ZFHX3: variants seen among roughly 807,000 people sequenced by gnomAD.
ZFHX3 encodes zinc finger homeobox 3.
In ZFHX3, 42 loss-of-function variants were observed where a neutral mutation model predicts 279.1. The ratio of observed to expected loss-of-function variants is 0.15; its 90% CI spans 0.12 to 0.19. The LOEUF (loss-of-function observed/expected upper bound fraction) is 0.19. Among genes scored for constraint, ZFHX3 ranks in the 10% least tolerant of loss-of-function variants. The probability of loss-of-function intolerance (pLI) is 1.00; values close to 1 mark genes in which losing one functional copy is unlikely to be tolerated. For synonymous variants in ZFHX3, 2,293 were observed against 1,957.8 expected, an observed-to-expected ratio of 1.17 and a Z score of -4.52; for missense variants, 4,981 against 4,754.0, an observed-to-expected ratio of 1.05 and a Z score of -1.40.
chr16:73,401,113 T>A (rs914362809), intron 3 of ZFHX3: 5 of 152,038 alleles, frequency 3.3e-5, no homozygotes, highest in Non-Finnish European at 7.4e-5. Flanking sequence ...AAAACATCCA[T>A]CATCTATCTT....
intron 2 of ZFHX3, among the ~76,000 whole-genome samples, chr16:73,624,385 T>C (rs982611306): frequency 6.6e-6 from 1 of 152,112 alleles, no homozygotes; most frequent in African/African-American, 2.4e-5. Context: ...AAAAAAGACC[T>C]GCCGTGTGCT....
chr16:73,031,722 C>T (rs765285830), intron 1 of ZFHX3, among the ~76,000 whole-genome samples: 4 of 152,174 alleles, frequency 2.6e-5, no homozygotes, highest in African/African-American at 7.2e-5. Flanking sequence ...TGAACCAGAA[C>T]GCGGGCGTGC....
chr16:73,558,758 G>C (rs966919728), intron 2 of ZFHX3, among the ~76,000 whole-genome samples: 1 of 144,460 alleles, frequency 6.9e-6, no homozygotes, highest in Admixed American at 7.1e-5. Context: ...TGTTGTGCAG[G>C]CTAGAGTTCA....
chr16:73,814,770 G>T (rs552005707), intron 1 of ZFHX3, among the ~76,000 whole-genome samples: 24 of 152,208 alleles, frequency 1.6e-4, no homozygotes, highest in African/African-American at 5.5e-4. Flanking sequence ...GTTTCACCAT[G>T]TTGGCCAGGC....
intron 3 of ZFHX3, among the ~76,000 whole-genome samples, chr16:73,391,067 G>C (rs1463815259): frequency 1.3e-5 from 2 of 152,088 alleles, no homozygotes; most frequent in Admixed American, 6.5e-5. Flanking sequence ...TGCTTTAGGA[G>C]AGGACTGTGG....
chr16:73,390,835 TGAG>T (rs766023233), intron 3 of ZFHX3, among the ~76,000 whole-genome samples: 26 of 152,064 alleles, frequency 1.7e-4, no homozygotes, highest in Non-Finnish European at 3.7e-4. Context: ...TCAGAGTTAC[TGAG>T]GAGGTTTTAA....
At chr16:73,726,499 T>C (rs962822821) in intron 1 of ZFHX3, among the ~76,000 whole-genome samples, 1 of 152,188 alleles carries the variant, frequency 6.6e-6, no homozygotes, top group Admixed American at 6.5e-5. Context: ...AAGCTATCTG[T>C]AGTAGTCCGT....
chr16:73,004,477 C>A (rs761232852), intron 1 of ZFHX3, among the ~76,000 whole-genome samples: 1 of 151,332 alleles, frequency 6.6e-6, no homozygotes, highest in Admixed American at 6.6e-5. Context: ...TACAGATGCC[C>A]ACCATCACGC....
chr16:73,506,607 A>C (rs1272510904), intron 2 of ZFHX3, among the ~76,000 whole-genome samples: 2 of 152,196 alleles, frequency 1.3e-5, no homozygotes, highest in East Asian at 1.9e-4. Context: ...CAAGAACCAC[A>C]GGGGTTCAGA....
rs1353784492 is a variant in ZFHX3, at chr16:72,959,332, A to T, written c.814T>A (p.Phe272Ile). The T allele has an allele frequency of 6.2e-7, 1 of 1,614,098 alleles. No individual in the cohort carries two copies. Among genetic ancestry groups the T allele is most frequent in the Non-Finnish European group, 8.5e-7 (1 of 1,180,044 alleles). Residue 272 changes from phenylalanine (F) to isoleucine (I), a missense_variant, in exon 2 of 10, where the codon TTT becomes ATT. Phe to Ile is a conservative substitution (Grantham distance 21, BLOSUM62 0). Transcript: ENST00000268489. ...NNVDLSKFDG[F>I]VLYGKRKPIL... ...GGCTTCCTCTTGCCATAGAGCACAAAGCCATCGAATTTGGACAGGTCCACA... is the reference window on the plus strand; with the variant it reads ...GGCTTCCTCTTGCCATAGAGCACAATGCCATCGAATTTGGACAGGTCCACA...
At chr16:72,981,126 G>A (rs1304981165) in intron 1 of ZFHX3, among the ~76,000 whole-genome samples, 3 of 152,160 alleles carry the variant, frequency 2.0e-5, no homozygotes, top group Admixed American at 6.5e-5. Context: ...CCCAGGCCGG[G>A]CCCCAGCTAT....
chr16:73,316,652 A>G (rs1200732672), intron 4 of ZFHX3, among the ~76,000 whole-genome samples: 1 of 152,076 alleles, frequency 6.6e-6, no homozygotes. Context: ...CCCCCACTCC[A>G]CTAGATCTAG....
chr16:73,891,023 C>T (rs1414504115), intron 1 of ZFHX3, among the ~76,000 whole-genome samples: 4 of 148,450 alleles, frequency 2.7e-5, no homozygotes, highest in South Asian at 2.2e-4. Context: ...CTCGCCGCTC[C>T]CCCCCTCCAC....
At chr16:73,246,184 C>G (rs186646221) in intron 5 of ZFHX3, among the ~76,000 whole-genome samples, 1 of 152,054 alleles carries the variant, frequency 6.6e-6, no homozygotes, top group Non-Finnish European at 1.5e-5. Flanking sequence ...GATTCCAAGC[C>G]GCAGAGTTGT....
upstream of ZFHX3, among the ~76,000 whole-genome samples, chr16:73,063,659 G>GTTC (rs1965713830): frequency 6.6e-6 from 1 of 152,044 alleles, no homozygotes; most frequent in Non-Finnish European, 1.5e-5. Flanking sequence ...GGACTAGGCC[G>GTTC]TTTGAATGTT....
intron 2 of ZFHX3, among the ~76,000 whole-genome samples, chr16:73,525,040 A>G (rs527968395): frequency 1.0e-3 from 152 of 152,258 alleles, no homozygotes; most frequent in African/African-American, 3.6e-3. Context: ...TGCCGTAAAG[A>G]CACAAGGAAA....
intron 1 of ZFHX3, among the ~76,000 whole-genome samples, chr16:73,779,407 G>T (rs1171043081): frequency 1.5e-5 from 2 of 130,754 alleles, no homozygotes; most frequent in Non-Finnish European, 3.2e-5. Flanking sequence ...AGAGGAGGAG[G>T]AGGTGGTGGT....
At chr16:73,591,294 T>C (rs1376550646) in intron 2 of ZFHX3, among the ~76,000 whole-genome samples, 1 of 150,308 alleles carries the variant, frequency 6.7e-6, no homozygotes, top group African/African-American at 2.4e-5. Context: ...CAGAGGTTGC[T>C]GTGAGCCAAG....
chr16:73,848,413 G>C (rs1206630528), intron 1 of ZFHX3, among the ~76,000 whole-genome samples: 9 of 148,488 alleles, frequency 6.1e-5, no homozygotes, highest in Admixed American at 5.9e-4. Context: ...GCAAGAGCTG[G>C]TGAGTCCTTC....
Sources: gnomAD v4.1 joint callset for allele counts (sites outside exome capture counted in the v4.1 genomes callset) on GRCh38, gnomAD v4.1.1 for gene constraint, MANE v1.5 for transcripts, NCBI Gene and HGNC (gene_info 2026-07-23, HGNC 2026-07-21) for gene names.